Variants in MTHFD1L observed in about 807,000 individuals in gnomAD.
The protein encoded by MTHFD1L is methylenetetrahydrofolate dehydrogenase (NADP+ dependent) 1 like, also known as monofunctional C1-tetrahydrofolate synthase, mitochondrial.
In MTHFD1L, 81 loss-of-function variants were observed where a neutral mutation model predicts 119.5. That is an observed-to-expected ratio of 0.68 (90% CI 0.57 to 0.82). The LOEUF (loss-of-function observed/expected upper bound fraction) is 0.82. MTHFD1L is among the 40% of genes least tolerant of loss of function. The pLI, the probability that MTHFD1L is intolerant of heterozygous loss-of-function variation, is 0.00. For synonymous variants in MTHFD1L, 430 were observed against 475.2 expected (o/e 0.90, Z 1.24); for missense variants, 1,125 against 1,253.4 (o/e 0.90, Z 1.55).
chr6:151,075,237 C>T (rs1226214981), intron 26 of MTHFD1L, among the ~76,000 whole-genome samples: 7 of 151,688 alleles, frequency 4.6e-5, no homozygotes, highest in Admixed American at 4.6e-4. Flanking sequence ...AATGCAAGAG[C>T]CGACTATTAC....
rs540159851 is a variant in MTHFD1L, at chr6:150,898,792, G to A, written c.781-6858G>A. On this transcript the variant is annotated intron_variant, in intron 7 of 27. Transcript: ENST00000367321. ...TACACATTCTCTTTCTTAGCCCCAC[G>A]TTTGAATTTTATGTTTTTCCTAAAG... The A allele has an allele frequency of 5.8e-4, 212 of 364,278 alleles. 2 individuals carry two copies. Among genetic ancestry groups the A allele is most frequent in the South Asian group, 4.5e-3 (208 of 46,162 alleles). The allele number at this position is 364,278 out of a possible 1,614,324, so 22.6% of individuals were successfully genotyped here. A position where few individuals can be genotyped will look rare whatever the true frequency, so the allele number is the denominator to read the frequency against.
chr6:150,948,612 C>T (rs1794379009), intron 15 of MTHFD1L, among the ~76,000 whole-genome samples: 2 of 151,378 alleles, frequency 1.3e-5, no homozygotes, highest in African/African-American at 2.4e-5. Flanking sequence ...GCATGAGCCA[C>T]CGCACCTGGC....
At chr6:150,950,647 G>C (rs2128974265) in intron 16 of MTHFD1L, among the ~76,000 whole-genome samples, 1 of 152,308 alleles carries the variant, frequency 6.6e-6, no homozygotes, top group East Asian at 1.9e-4. Flanking sequence ...TGTGGTGATA[G>C]CTGTATTGAG....
intron 20 of MTHFD1L, among the ~76,000 whole-genome samples, chr6:151,006,015 A>G (rs1006468786): frequency 2.0e-5 from 3 of 152,104 alleles, no homozygotes; most frequent in African/African-American, 7.2e-5. Context: ...ACTGGCTCCC[A>G]AGTCCCATCC....
intron 24 of MTHFD1L, among the ~76,000 whole-genome samples, chr6:151,026,899 G>T (rs1215924389): frequency 1.7e-5 from 2 of 120,570 alleles, no homozygotes; most frequent in African/African-American, 3.2e-5. Flanking sequence ...CACGATCTCA[G>T]CTCACTGCAG....
At chr6:150,902,184 C>T (rs999499035) in intron 7 of MTHFD1L, among the ~76,000 whole-genome samples, 1 of 152,138 alleles carries the variant, frequency 6.6e-6, no homozygotes, top group African/African-American at 2.4e-5. Context: ...TCTCATCTGT[C>T]CTCCCTTTCC....
chr6:151,078,644 G>A (rs149419495), intron 26 of MTHFD1L, among the ~76,000 whole-genome samples: 1 of 152,242 alleles, frequency 6.6e-6, no homozygotes, highest in African/African-American at 2.4e-5. Flanking sequence ...AGGTCCCAGA[G>A]GCCATGTGGG....
intron 26 of MTHFD1L, among the ~76,000 whole-genome samples, chr6:151,089,602 A>C (rs1794193692): frequency 6.6e-6 from 1 of 152,226 alleles, no homozygotes; most frequent in Non-Finnish European, 1.5e-5. Flanking sequence ...CTCTGTCTCA[A>C]AAACAAAAAC....
chr6:150,999,863 C>G (rs1396512740), intron 20 of MTHFD1L, among the ~76,000 whole-genome samples: 1 of 152,124 alleles, frequency 6.6e-6, no homozygotes, highest in Non-Finnish European at 1.5e-5. Context: ...TTACTACAAC[C>G]AAAAATATGT....
At chr6:150,953,049 G>A (rs1039512889) in intron 16 of MTHFD1L, among the ~76,000 whole-genome samples, 13 of 152,008 alleles carry the variant, frequency 8.6e-5, no homozygotes, top group African/African-American at 2.4e-4. Context: ...CATCTCCCTC[G>A]CATGCCCAAC....
chr6:151,100,456 T>C (rs17080776), intron 27 of MTHFD1L, among the ~76,000 whole-genome samples: 56,754 of 151,760 alleles, frequency 0.37, 10,752 homozygotes, highest in Middle Eastern at 0.49. Flanking sequence ...ACCAAGCACC[T>C]TATCTGGCTC....
intron 26 of MTHFD1L, among the ~76,000 whole-genome samples, chr6:151,058,909 T>C (rs1158683016): frequency 6.6e-6 from 1 of 152,208 alleles, no homozygotes; most frequent in African/African-American, 2.4e-5. Flanking sequence ...ACTCCTGACC[T>C]CAGGTGATCA....
At chr6:150,944,413 A>T in intron 13 of MTHFD1L, 73 bp from the exon 14 acceptor site, 1 of 1,100,146 alleles carries the variant, frequency 9.1e-7, no homozygotes, top group Non-Finnish European at 1.4e-6. Flanking sequence ...ATGCCACTGC[A>T]CTCCAGCCTG....
intron 26 of MTHFD1L, among the ~76,000 whole-genome samples, chr6:151,078,034 C>A: frequency 1.0e-5 from 1 of 97,710 alleles, no homozygotes; most frequent in Non-Finnish European, 1.8e-5. Flanking sequence ...GCCTGGGCGA[C>A]AGAGCAAGAC....
intron 20 of MTHFD1L, among the ~76,000 whole-genome samples, chr6:150,977,486 A>G (rs1442425964): frequency 6.6e-6 from 1 of 152,232 alleles, no homozygotes; most frequent in Non-Finnish European, 1.5e-5. Context: ...GAGTTCACCT[A>G]ACTTCCATTT....
intron 11 of MTHFD1L, among the ~76,000 whole-genome samples, chr6:150,936,246 A>G (rs1792031083): frequency 6.6e-6 from 1 of 152,208 alleles, no homozygotes; most frequent in African/African-American, 2.4e-5. Flanking sequence ...GCCACCCCAG[A>G]GGTCATGACC....
chr6:151,015,448 G>C, intron 23 of MTHFD1L, 68 bp from the exon 24 acceptor site: 1 of 1,522,506 alleles, frequency 6.6e-7, no homozygotes, highest in Non-Finnish European at 8.9e-7. Context: ...TGTATAAATG[G>C]TGAGTCTTTC....
chr6:151,016,752 A>C (rs1388528310), intron 24 of MTHFD1L: 1 of 355,372 alleles, frequency 2.8e-6, no homozygotes, highest in Non-Finnish European at 5.3e-6. Context: ...TATATAACAA[A>C]ATTTACTATC....
intron 26 of MTHFD1L, among the ~76,000 whole-genome samples, chr6:151,086,296 C>G (rs1333685569): frequency 6.6e-6 from 1 of 152,172 alleles, no homozygotes; most frequent in East Asian, 1.9e-4. Context: ...ATCTCTCTCT[C>G]TCTCTCCTTT....
Sources: allele counts gnomAD v4.1 joint callset (sites outside exome capture counted in the v4.1 genomes callset), GRCh38; gene constraint gnomAD v4.1.1; transcripts MANE v1.5; gene names NCBI Gene and HGNC (gene_info 2026-07-23, HGNC 2026-07-21).